SLC26A11: variants seen among roughly 807,000 people sequenced by gnomAD.
SLC26A11 encodes sodium-independent sulfate anion transporter.
SLC26A11 carries 58 observed loss-of-function variants against 62.2 expected under a neutral mutation model. That is an observed-to-expected ratio of 0.93 (90% CI 0.76 to 1.16). The LOEUF is 1.16. Among genes scored for constraint, SLC26A11 ranks in the 50% most tolerant of loss-of-function variants. SLC26A11 has a pLI of 0.00. For synonymous variants in SLC26A11, 411 were observed against 368.9 expected, an observed-to-expected ratio of 1.11 and a Z score of -1.31; for missense variants, 790 against 794.3, an observed-to-expected ratio of 0.99 and a Z score of 0.06.
intron 5 of SLC26A11, among the ~76,000 whole-genome samples, chr17:80,224,212 T>G (rs1471670006): frequency 6.6e-6 from 1 of 150,958 alleles, no homozygotes; most frequent in African/African-American, 2.5e-5. Flanking sequence ...AGTGTGTGAA[T>G]GAGTGAGTGT....
rs935519404 is a variant in SLC26A11, at chr17:80,240,102, A to T, written c.986-1669A>T. Among the ~76,000 whole-genome samples the T allele has an allele frequency of 4.6e-5, 7 of 152,254 alleles. 1 individual carries two copies. In the South Asian group the frequency reaches 1.4e-3, roughly 32 times the overall value. On this transcript the variant is annotated intron_variant, in intron 9 of 17. Coordinates refer to ENST00000361193, the MANE Select transcript of SLC26A11 (RefSeq NM_001166347.2). ...GCCAACCTCAGCTGGGTGCGGTGGC[A>T]CACGCCTGTAGTCCCAGCACTTTGG...
At chr17:80,241,729 T>G (rs972566098) in intron 9 of SLC26A11, 42 bp from the exon 10 acceptor site, 2 of 1,599,128 alleles carry the variant, frequency 1.3e-6, no homozygotes, top group African/African-American at 2.7e-5. Flanking sequence ...TTGAGCGATG[T>G]TGAATATTAC....
rs1489498319 is a variant in SLC26A11, at chr17:80,246,266, G to A, written c.1153+57G>A. On this transcript the variant is annotated intron_variant, in intron 12 of 17. Coordinates refer to ENST00000361193, the MANE Select transcript of SLC26A11 (RefSeq NM_001166347.2). This position sits in a 1 kb window ranked among gnomAD's most constrained non-coding sequence, Gnocchi z 4.4. Reference sequence around the variant, plus strand: ...AGCCCTGAGAGTGGGAGAAAGGGAGGAGGGGGCCCACAGAGACGTCCCTTT... The same window carrying A: ...AGCCCTGAGAGTGGGAGAAAGGGAGAAGGGGGCCCACAGAGACGTCCCTTT... The A allele has an allele frequency of 2.5e-6, 4 of 1,572,358 alleles. No homozygotes were observed. The highest frequency in any genetic ancestry group is 3.4e-6 in the Non-Finnish European group (4 of 1,159,522).
intron 13 of SLC26A11, 136 bp from the exon 14 acceptor site, chr17:80,247,994 G>A (rs924586096): frequency 1.8e-6 from 2 of 1,084,392 alleles, no homozygotes; most frequent in Non-Finnish European, 1.3e-6. Context: ...CTGTCCCCAA[G>A]TCCTCAGGGG....
intron 15 of SLC26A11, 134 bp downstream of exon 15, chr17:80,248,808 C>T: frequency 1.1e-6 from 1 of 905,702 alleles, no homozygotes. Context: ...TCTGAGTGGG[C>T]TGGACCGTCC....
Position 80,225,826 on chromosome 17 carries a change from T to C in SLC26A11, c.514-11T>C, listed in dbSNP as rs1451429901. The stretch of plus-strand genomic sequence containing the variant: ...GCATAGCCTCTGATCAGCATCTCTG[T>C]GTTTGGACAGAACCTGCTGGGACTA... On this transcript the variant is annotated splice_polypyrimidine_tract_variant and intron_variant, in intron 5 of 17. Coordinates refer to ENST00000361193, the MANE Select transcript of SLC26A11 (RefSeq NM_001166347.2). The C allele has an allele frequency of 1.9e-6, 3 of 1,613,148 alleles. No individual in the cohort carries two copies. Among genetic ancestry groups the C allele is most frequent in the African/African-American group, 1.3e-5 (1 of 74,880 alleles).
chr17:80,248,552 C>A, intron 14 of SLC26A11, 23 bp from the exon 15 acceptor site: 5 of 1,554,654 alleles, frequency 3.2e-6, no homozygotes, highest in Non-Finnish European at 4.4e-6. Flanking sequence ...AGACCCGCCT[C>A]CAGGACTCAC....
rs61910709 is a variant in SLC26A11 at position 80,237,084 on chromosome 17, C to T, written c.893C>T (p.Ser298Phe). ...FSVTTANGTI[S>F]FTEMVQDMGA... The stretch of plus-strand genomic sequence containing the variant: ...GTGACCACAGCCAACGGGACGATCT[C>T]CTTCACCGAGATGGTGCAGGTGGGC... The change falls in exon 8 of 18, where the codon TCC (serine) becomes TTC (phenylalanine). Residue 298 changes from serine to phenylalanine, a missense_variant. Coordinates refer to ENST00000361193, the MANE Select transcript of SLC26A11 (RefSeq NM_001166347.2). The T allele has an allele frequency of 1.2e-3, 1,969 of 1,612,742 alleles. 31 individuals carry two copies. In the African/African-American group the frequency reaches 0.023, roughly 19 times the overall value.
At chr17:80,227,668 ATACT>A in intron 6 of SLC26A11, 146 bp from the exon 7 acceptor site, 1 of 1,012,266 alleles carries the variant, frequency 9.9e-7, no homozygotes, top group Non-Finnish European at 1.4e-6. Context: ...TTTCCTTGTG[ATACT>A]CACTGTGGTC....
intron 5 of SLC26A11, among the ~76,000 whole-genome samples, chr17:80,225,299 C>G (rs1174328804): frequency 6.6e-6 from 1 of 152,238 alleles, no homozygotes. Context: ...CGAGGATTCC[C>G]CAAGCTGGTT....
At chr17:80,234,899 G>C (rs2042652967) in intron 7 of SLC26A11, among the ~76,000 whole-genome samples, 1 of 150,958 alleles carries the variant, frequency 6.6e-6, no homozygotes, top group African/African-American at 2.4e-5. Context: ...GTCCAGGCTG[G>C]AGTGCAATGG....
At position 80,227,892 on chromosome 17, in the gene SLC26A11, C is replaced by T. The variant is rs772508818; in HGVS notation, c.668C>T (p.Pro223Leu). 5.0e-6 allele frequency: 8 copies of T among 1,601,774 alleles called. No homozygotes were observed. Among genetic ancestry groups the T allele is most frequent in the Non-Finnish European group, 5.1e-6 (6 of 1,179,854 alleles). ...LVLKLMRDHVPPVHPEMPPGV... is the reference protein window; with the variant it reads ...LVLKLMRDHVLPVHPEMPPGV... ...CTGAAGCTGATGCGGGACCACGTGCCTCCCGTCCACCCCGAGATGCCCCCT... is the reference window on the plus strand; with the variant it reads ...CTGAAGCTGATGCGGGACCACGTGCTTCCCGTCCACCCCGAGATGCCCCCT... The change falls in exon 7 of 18, where the codon CCT (proline) becomes CTT (leucine). Residue 223 changes from proline (P) to leucine (L), a missense_variant. Physicochemically the swap from Pro to Leu is moderately conservative, Grantham distance 98. Transcript: ENST00000361193.
intron 10 of SLC26A11, among the ~76,000 whole-genome samples, chr17:80,243,135 G>GT (rs1184472899): frequency 6.6e-6 from 1 of 152,208 alleles, no homozygotes; most frequent in Non-Finnish European, 1.5e-5. Flanking sequence ...TTCCCAAGGG[G>GT]TGTCCACCCT....
chr17:80,237,933 C>T (rs11658788), intron 9 of SLC26A11, among the ~76,000 whole-genome samples: 49,186 of 152,146 alleles, frequency 0.32, 8,778 homozygotes, highest in East Asian at 0.59. Context: ...GGAGTTTGCA[C>T]ATGGAGCTGG....
At chr17:80,248,983 A>G (rs923963506) in intron 15 of SLC26A11, among the ~76,000 whole-genome samples, 171 bp from the exon 16 acceptor site, 2 of 151,946 alleles carry the variant, frequency 1.3e-5, no homozygotes, top group African/African-American at 2.4e-5. Flanking sequence ...TCACCAAACA[A>G]TTGTCTCTGG....
At chr17:80,248,546 C>T (rs1209718066) in intron 14 of SLC26A11, 29 bp from the exon 15 acceptor site, 4 of 1,547,134 alleles carry the variant, frequency 2.6e-6, no homozygotes, top group Non-Finnish European at 3.5e-6. Flanking sequence ...CCGGTCAGAC[C>T]CGCCTCCAGG....
intron 16 of SLC26A11, among the ~76,000 whole-genome samples, chr17:80,250,861 C>T (rs2043137522): frequency 6.6e-6 from 1 of 151,452 alleles, no homozygotes; most frequent in Admixed American, 6.6e-5. Context: ...GTCCTCTGGG[C>T]CAGGCGCTGT....
chr17:80,245,186 T>C lies in SLC26A11; in HGVS notation c.1037-10T>C. On this transcript the variant is annotated splice_polypyrimidine_tract_variant and intron_variant, in intron 10 of 17. Transcript: ENST00000361193. ...CCCTCCACGATCAGCCTGTCTTGCC[T>C]CCTCCCCAGGTCTCACCAACATGTT... 1.2e-6 allele frequency: 2 copies of C among 1,613,658 alleles called. No homozygotes were observed. The highest frequency in any genetic ancestry group is 1.7e-6 in the Non-Finnish European group (2 of 1,179,856).
In SLC26A11 at chr17:80,224,446, T is replaced by A. The variant is rs527644606; in HGVS notation, c.513+1109T>A. On this transcript the variant is annotated intron_variant, in intron 5 of 17. Transcript: ENST00000361193. ...GTGAGAGTGGGTGTGGGTGTGAGAG[T>A]GTGAGTGTGAGAGTGTGAGTGTGTG... Among the ~76,000 whole-genome samples the A allele has an allele frequency of 5.0e-3, 626 of 124,292 alleles. 6 individuals carry two copies. Among genetic ancestry groups the A allele is most frequent in the African/African-American group, 0.025 (554 of 22,052 alleles). The allele number at this position is 124,292 out of a possible 152,430, so 81.5% of individuals were successfully genotyped here. A position where few individuals can be genotyped will look rare whatever the true frequency, so the allele number is the denominator to read the frequency against.
Sources: gnomAD v4.1 joint callset for allele counts (sites outside exome capture counted in the v4.1 genomes callset) on GRCh38, gnomAD v4.1.1 for gene constraint, Gnocchi (gnomAD v3.1) non-coding constraint, MANE v1.5 for transcripts, NCBI Gene and HGNC (gene_info 2026-07-23, HGNC 2026-07-21) for gene names.